Variants in SELP observed in about 807,000 individuals in gnomAD.
SELP encodes the protein P-selectin.
In SELP, 92 loss-of-function variants were observed where a neutral mutation model predicts 104.1. That is an observed-to-expected ratio of 0.88 (90% CI 0.75 to 1.05). The LOEUF (loss-of-function observed/expected upper bound fraction) is 1.05, where lower values mean the gene tolerates loss of function less well. SELP is among the 50% of genes least tolerant of loss of function. The probability of loss-of-function intolerance (pLI) is 0.00; values close to 1 mark genes in which losing one functional copy is unlikely to be tolerated. For synonymous variants in SELP, 397 were observed against 364.5 expected (o/e 1.09, Z -1.01); for missense variants, 1,022 against 1,017.3 (o/e 1.00, Z -0.06).
At chr1:169,600,275 G>A (rs747364834) in intron 10 of SELP, among the ~76,000 whole-genome samples, 1 of 152,152 alleles carries the variant, frequency 6.6e-6, no homozygotes, top group Non-Finnish European at 1.5e-5. Flanking sequence ...ACTTGAATTT[G>A]CCATGTGCTG....
At chr1:169,614,148 A>G (rs1438875215) in intron 3 of SELP, among the ~76,000 whole-genome samples, 1 of 152,226 alleles carries the variant, frequency 6.6e-6, no homozygotes, top group Non-Finnish European at 1.5e-5. Flanking sequence ...CCTACTTGCT[A>G]TGTGACCTTA....
Position 169,616,995 on chromosome 1 carries a change from A to G in SELP, c.481+33T>C, listed in dbSNP as rs753541358. On this transcript the variant is annotated intron_variant, in intron 3 of 16. Transcript: ENST00000263686. ...AGAGAAGGCAGGGTTTTTTTTTTTT[A>G]ACAGGAAAGTTTCAAAGTAGAGAAG... 2.0e-5 allele frequency: 30 copies of G among 1,479,932 alleles called. No individual in the cohort carries two copies. The South Asian group carries it at 4.2e-4, about 21-fold the overall frequency. 91.7% of individuals were successfully genotyped at this position (1,479,932 alleles called of 1,614,324 possible).
chr1:169,621,061 G>A (rs1272402289), intron 1 of SELP, among the ~76,000 whole-genome samples: 2 of 142,294 alleles, frequency 1.4e-5, no homozygotes, highest in Non-Finnish European at 3.0e-5. Flanking sequence ...CCACAGTGAC[G>A]GATGATGTAG....
intron 2 of SELP, among the ~76,000 whole-genome samples, chr1:169,618,163 T>C (rs1662918168): frequency 6.6e-6 from 1 of 152,250 alleles, no homozygotes; most frequent in African/African-American, 2.4e-5. Context: ...TCCTTAGCAC[T>C]GAGCCTAGAG....
At chr1:169,606,247 G>A (rs1662187314) in intron 9 of SELP, among the ~76,000 whole-genome samples, 1 of 152,224 alleles carries the variant, frequency 6.6e-6, no homozygotes, top group South Asian at 2.1e-4. Context: ...AACCCGGGAG[G>A]CGGAGGTTGC....
At chr1:169,619,665 G>C (rs1557971650) in intron 1 of SELP, among the ~76,000 whole-genome samples, 1 of 152,182 alleles carries the variant, frequency 6.6e-6, no homozygotes, top group African/African-American at 2.4e-5. Flanking sequence ...TTGAGGTGCA[G>C]AGCATCAACA....
Position 169,613,133 on chromosome 1 carries a change from T to G in SELP, c.590-19A>C. The G allele has an allele frequency of 1.3e-6, 2 of 1,558,340 alleles. No individual in the cohort carries two copies. Among genetic ancestry groups the G allele is most frequent in the Non-Finnish European group, 1.7e-6 (2 of 1,150,096 alleles). ...TCTCTCACTGCAGGAGACAAAATAGTGATTTTTATTTTCCATGTAGAATTA... is the reference window on the plus strand; with the variant it reads ...TCTCTCACTGCAGGAGACAAAATAGGGATTTTTATTTTCCATGTAGAATTA... On this transcript the variant is annotated intron_variant, in intron 4 of 16. Transcript: ENST00000263686.
At chr1:169,629,843 C>T (rs748143204) in intron 1 of SELP, among the ~76,000 whole-genome samples, 33 of 152,208 alleles carry the variant, frequency 2.2e-4, no homozygotes, top group Middle Eastern at 3.2e-3. Flanking sequence ...CTGTAAACCA[C>T]GATGGCTTTA....
At chr1:169,613,481 G>T (rs774493023) in intron 4 of SELP, 105 bp downstream of exon 4, 1 of 829,458 alleles carries the variant, frequency 1.2e-6, no homozygotes, top group Non-Finnish European at 2.0e-6. Flanking sequence ...GAGGGGGGCT[G>T]GTACCATCCT....
At chr1:169,613,540 TC>T (rs756218281) in intron 4 of SELP, 45 bp downstream of exon 4, 8 of 1,415,226 alleles carry the variant, frequency 5.7e-6, no homozygotes, top group Middle Eastern at 1.8e-4. Flanking sequence ...CTTGGCATCA[TC>T]TCTAGCATAA....
At chr1:169,628,720 T>C (rs977519091) in intron 1 of SELP, among the ~76,000 whole-genome samples, 3 of 152,178 alleles carry the variant, frequency 2.0e-5, no homozygotes, top group African/African-American at 7.2e-5. Flanking sequence ...GTTCATACCT[T>C]TGAAATAGAG....
At chr1:169,605,484 T>TG (rs1292926474) in intron 9 of SELP, among the ~76,000 whole-genome samples, 40 of 147,342 alleles carry the variant, frequency 2.7e-4, no homozygotes, top group African/African-American at 6.9e-4. Flanking sequence ...GGGGTGTGTG[T>TG]GTGGGGGGTG....
intron 7 of SELP, among the ~76,000 whole-genome samples, chr1:169,610,741 T>C (rs1662480146): frequency 6.6e-6 from 1 of 152,132 alleles, no homozygotes; most frequent in African/African-American, 2.4e-5. Flanking sequence ...ATCGTGCCAC[T>C]GCACTTCAGC....
intron 14 of SELP, among the ~76,000 whole-genome samples, chr1:169,592,392 C>A (rs749346957): frequency 6.6e-6 from 1 of 152,132 alleles, no homozygotes; most frequent in Non-Finnish European, 1.5e-5. Context: ...AGACCTATGT[C>A]AACAATAGAG....
chr1:169,623,028 A>G (rs1663212243), intron 1 of SELP, among the ~76,000 whole-genome samples: 1 of 152,202 alleles, frequency 6.6e-6, no homozygotes, highest in Non-Finnish European at 1.5e-5. Context: ...AAAATTTGGG[A>G]TAAAAAATTG....
intron 7 of SELP, 136 bp from the exon 8 acceptor site, chr1:169,609,825 A>G (rs2101899091): frequency 1.3e-6 from 1 of 775,282 alleles, no homozygotes; most frequent in Non-Finnish European, 2.0e-6. Flanking sequence ...ATTTTCCAAA[A>G]GAGAGACTGC....
At position 169,617,211 on chromosome 1, in the gene SELP, T is replaced by G. The variant is rs777827117; in HGVS notation, c.298A>C (p.Thr100Pro). The G allele has an allele frequency of 1.4e-5, 23 of 1,614,180 alleles. No homozygotes were observed. The highest frequency in any genetic ancestry group is 1.9e-5 in the Non-Finnish European group (23 of 1,180,030). ...TTTTTGGTTCCCACCCATGTCCATGTCTTATTGTTCTTTCGGATCCCAATC... is the reference window on the plus strand; with the variant it reads ...TTTTTGGTTCCCACCCATGTCCATGGCTTATTGTTCTTTCGGATCCCAATC... ...YWIGIRKNNK[T>P]WTWVGTKKAL... Residue 100 changes from threonine to proline, a missense_variant, in exon 3 of 17, where the codon ACA becomes CCA. Physicochemically the swap from Thr to Pro is conservative, Grantham distance 38. Transcript: ENST00000263686.
At chr1:169,595,274 A>T (rs935728265) in intron 12 of SELP, among the ~76,000 whole-genome samples, 9 of 152,228 alleles carry the variant, frequency 5.9e-5, no homozygotes, top group Non-Finnish European at 1.0e-4. Context: ...TGTTCAGCAT[A>T]TCTGGACACT....
rs111270114 is a variant in SELP, at chr1:169,603,196, G to A, written c.1535C>T (p.Pro512Leu). ...PPECQAIPCT[P>L]LLSPQNGTMT... is the part of the protein sequence containing the mutation. ...TGTTCCATTCTGAGGGCTTAGCAAA[G>A]GTGTGCAGGGAATGGCTATCATGGG... Residue 512 changes from proline (P) to leucine (L), a missense_variant, in exon 10 of 17, where the codon CCT (proline) becomes CTT (leucine). Pro to Leu is a moderately conservative substitution (Grantham distance 98, BLOSUM62 -3). Coordinates refer to ENST00000263686, the MANE Select transcript of SELP (RefSeq NM_003005.4). 4.3e-6 allele frequency: 7 copies of A among 1,612,246 alleles called. No individual in the cohort carries two copies. The African/African-American group carries it at 9.4e-5, about 22-fold the overall frequency.
Sources: gnomAD v4.1 joint callset for allele counts (sites outside exome capture counted in the v4.1 genomes callset) on GRCh38, gnomAD v4.1.1 for gene constraint, MANE v1.5 for transcripts, NCBI Gene and HGNC (gene_info 2026-07-23, HGNC 2026-07-21) for gene names.